Variants in MAP4 observed in about 807,000 individuals in gnomAD.
MAP4 encodes microtubule associated protein 4, also known as microtubule-associated protein 4.
MAP4 carries 76 observed loss-of-function variants against 170.2 expected under a neutral mutation model. The ratio of observed to expected loss-of-function variants is 0.45; its 90% CI spans 0.37 to 0.54. The LOEUF (loss-of-function observed/expected upper bound fraction) is 0.54, where lower values mean the gene tolerates loss of function less well. MAP4 is among the 20% of genes least tolerant of loss of function. The pLI is 0.00. For missense variants in MAP4, 2,506 were observed against 2,748.0 expected (o/e 0.91, Z 1.97); for synonymous variants, 909 against 994.5 (o/e 0.91, Z 1.62).
chr3:47,945,913 C>T (rs759678115), intron 3 of MAP4, among the ~76,000 whole-genome samples: 10 of 150,944 alleles, frequency 6.6e-5, no homozygotes, highest in African/African-American at 1.2e-4. Flanking sequence ...AGGGCTTCGC[C>T]GTGTTGCCAA....
At chr3:48,024,246 G>A (rs1366482140) in intron 1 of MAP4, among the ~76,000 whole-genome samples, 3 of 152,092 alleles carry the variant, frequency 2.0e-5, no homozygotes, top group Non-Finnish European at 4.4e-5. Context: ...GGAGGCAGAG[G>A]TTGCAGTGAG....
At chr3:47,880,475 T>G (rs1007582285) in intron 10 of MAP4, among the ~76,000 whole-genome samples, 30 of 146,436 alleles carry the variant, frequency 2.0e-4, no homozygotes, top group Non-Finnish European at 3.6e-4. Context: ...GTTTTTTTTT[T>G]TTTTTTTTTT....
chr3:48,049,689 T>C lies in MAP4; in HGVS notation c.-20+39084A>G, dbSNP rs531931239. 2.6e-5 allele frequency among the ~76,000 whole-genome samples: 4 copies of C among 152,098 alleles called. No homozygotes were observed. In the South Asian group the frequency reaches 8.3e-4, roughly 32 times the overall value. On this transcript the variant is annotated intron_variant, in intron 1 of 18. Coordinates refer to the MAP4 transcript ENST00000360240. ...GGCTCATGCCTGTAATCCCAGCACT[T>C]TGGGAGGCCAAGGCAGGCGGATCGC... is the stretch of plus-strand genomic sequence containing the variant.
intron 17 of MAP4, among the ~76,000 whole-genome samples, chr3:47,857,890 A>C (rs1044098471): frequency 4.6e-5 from 7 of 151,686 alleles, no homozygotes; most frequent in African/African-American, 1.7e-4. Flanking sequence ...TTGTATTTTT[A>C]GTAGAGACAA....
rs757460367 is a variant in MAP4 at position 47,966,228 on chromosome 3, CTTTTTTTTTTTTTTTT to C, written c.292+11621_292+11636del. Reference sequence around the variant, plus strand: ...AGCTGGGACTACAGGCCCACACTACCTTTTTTTTTTTTTTTTTTTTTTTTTTTTTTTTTTTTTGAGA... The same window carrying C: ...AGCTGGGACTACAGGCCCACACTACCTTTTTTTTTTTTTTTTTTTTTGAGA... On this transcript the variant is annotated intron_variant, in intron 3 of 20. Transcript: ENST00000683076. Among the ~76,000 whole-genome samples the C allele has an allele frequency of 8.6e-4, 43 of 50,262 alleles. No homozygotes were observed. The East Asian group carries it at 0.021, about 25-fold the overall frequency. The allele number at this position is 50,262 out of a possible 152,430, so 33.0% of individuals were successfully genotyped here. A position where few individuals can be genotyped will look rare whatever the true frequency, so the allele number is the denominator to read the frequency against.
intron 11 of MAP4, among the ~76,000 whole-genome samples, chr3:47,876,728 ATATG>A (rs2095509449): frequency 6.6e-6 from 1 of 152,180 alleles, no homozygotes. Flanking sequence ...ATCTGAAGCT[ATATG>A]ATCCACCTTC....
At chr3:47,978,132 C>G (rs530401931) in intron 2 of MAP4, among the ~76,000 whole-genome samples, 199 bp from the exon 3 acceptor site, 2 of 152,250 alleles carry the variant, frequency 1.3e-5, no homozygotes, top group African/African-American at 4.8e-5. Flanking sequence ...CTAGGGCACC[C>G]AAGCTCTGTA....
chr3:47,851,277 G>A lies in MAP4; in HGVS notation c.*1657C>T, dbSNP rs1187484645. On this transcript the variant is annotated 3_prime_UTR_variant, in exon 21 of 21. Coordinates refer to ENST00000683076, the MANE Select transcript of MAP4 (RefSeq NM_001385682.1). ...TGCAGTTTCCTGGTGTGTGCTTGGG[G>A]AGCTAGGGACATGGTGTCAAACCTC... 6.6e-6 allele frequency: 1 copy of A among 152,252 alleles called. No homozygotes were observed. The highest frequency in any genetic ancestry group is 6.5e-5 in the Admixed American group (1 of 15,280). The allele number at this position is 152,252 out of a possible 1,614,324, so 9.4% of individuals were successfully genotyped here. A position where few individuals can be genotyped will look rare whatever the true frequency, so the allele number is the denominator to read the frequency against.
intron 1 of MAP4, among the ~76,000 whole-genome samples, chr3:48,071,958 C>T (rs1004861493): frequency 2.0e-5 from 3 of 151,932 alleles, no homozygotes; most frequent in South Asian, 2.1e-4. Context: ...CAGTGGCTCA[C>T]GTCTGTAACC....
intron 1 of MAP4, among the ~76,000 whole-genome samples, chr3:48,032,580 G>A (rs920321079): frequency 5.9e-5 from 9 of 151,776 alleles, no homozygotes; most frequent in East Asian, 1.9e-4. Flanking sequence ...CAGGAGAATC[G>A]CTTGAACCCA....
At chr3:47,926,659 C>T (rs1484307143) in intron 4 of MAP4, among the ~76,000 whole-genome samples, 4 of 152,160 alleles carry the variant, frequency 2.6e-5, no homozygotes, top group South Asian at 2.1e-4. Context: ...CCCAGCCTCC[C>T]GAGTAGCTAG....
intron 10 of MAP4, among the ~76,000 whole-genome samples, chr3:47,895,582 T>C (rs777015): frequency 0.39 from 58,641 of 152,168 alleles, 12,693 homozygotes; most frequent in African/African-American, 0.59. Flanking sequence ...TCTGAAGAAG[T>C]GGAAAATACC....
chr3:48,084,195 C>T (rs1384285645), intron 1 of MAP4, among the ~76,000 whole-genome samples: 3 of 145,060 alleles, frequency 2.1e-5, no homozygotes, highest in African/African-American at 5.1e-5. Context: ...GGGAATACAG[C>T]GAGACTCAGT....
intron 7 of MAP4, among the ~76,000 whole-genome samples, 194 bp downstream of exon 7, chr3:47,915,757 T>C (rs948138911): frequency 2.0e-5 from 3 of 152,104 alleles, no homozygotes; most frequent in Admixed American, 6.5e-5. Context: ...CAGCAGAGAA[T>C]GAACATAGAA....
chr3:47,864,671 C>G (rs200036233), intron 17 of MAP4, among the ~76,000 whole-genome samples: 1 of 151,524 alleles, frequency 6.6e-6, no homozygotes, highest in Admixed American at 6.6e-5. Context: ...ATCGAGACTC[C>G]GTCTCAAAAA....
chr3:47,870,988 G>T lies in MAP4; in HGVS notation c.6119C>A (p.Pro2040His), dbSNP rs1387894515. The change falls in exon 15 of 21, where the codon CCC becomes CAC. Residue 2040 changes from proline (P) to histidine (H), a missense_variant. Around this residue, in one of 3 missense-constraint regions of MAP4, gnomAD observed 487 missense variants for 511.6 expected, o/e 0.95. Transcript: ENST00000683076. The part of the protein sequence containing the change: ...VPSRVKATPM[P>H]SRPSTTPFID... ...GAAAGGAGTTGTGGAGGGCCGGGAGGGCATGGGTGTGGCCTTGACTCGGCT... is the reference window on the plus strand; with the variant it reads ...GAAAGGAGTTGTGGAGGGCCGGGAGTGCATGGGTGTGGCCTTGACTCGGCT... 6.2e-7 allele frequency: 1 copy of T among 1,614,180 alleles called. No individual in the cohort carries two copies.
intron 3 of MAP4, among the ~76,000 whole-genome samples, chr3:47,962,734 T>C (rs969364982): frequency 5.9e-5 from 9 of 152,180 alleles, no homozygotes; most frequent in African/African-American, 1.9e-4. Context: ...AGGCAAATGT[T>C]AATCTCTAAA....
At position 47,973,665 on chromosome 3, in the gene MAP4, A is replaced by G. The variant is rs1003284731; in HGVS notation, c.292+4200T>C. 3 of 985,300 alleles carry G rather than the reference A, an allele frequency of 3.0e-6. No homozygotes were observed. In the Admixed American group the frequency reaches 1.8e-4, roughly 61 times the overall value. 61.0% of individuals were successfully genotyped at this position (985,300 alleles called of 1,614,324 possible). A position where few individuals can be genotyped will look rare whatever the true frequency, so the allele number is the denominator to read the frequency against. On this transcript the variant is annotated intron_variant, in intron 3 of 20. Transcript: ENST00000683076. ...ATGAAGTGTGAGTGTACACAACGGA[A>G]AGTCATACCCAGGCTTCTCCACCCA... is the stretch of plus-strand genomic sequence containing the variant.
chr3:47,882,013 C>T (rs1490605413), intron 10 of MAP4, among the ~76,000 whole-genome samples: 1 of 152,164 alleles, frequency 6.6e-6, no homozygotes, highest in African/African-American at 2.4e-5. Flanking sequence ...CAGTGGCTCA[C>T]GCCTGTAATC....
Sources: gnomAD v4.1 joint callset for allele counts (sites outside exome capture counted in the v4.1 genomes callset) on GRCh38, gnomAD v4.1.1 for gene constraint, gnomAD v4.1.1 regional missense constraint, MANE v1.5 for transcripts, NCBI Gene and HGNC (gene_info 2026-07-23, HGNC 2026-07-21) for gene names.